The following TWNK variants were observed in gnomAD, a reference collection of about 807,000 sequenced individuals.
TWNK encodes the protein twinkle mtDNA helicase, also known as T7 gp4-like protein with intramitochondrial nucleoid localization.
In TWNK, 36 loss-of-function variants were observed where a neutral mutation model predicts 58.2. The observed-to-expected ratio is 0.62, with a 90% CI of 0.47 to 0.82. The LOEUF (loss-of-function observed/expected upper bound fraction) is 0.82. Ranked by LOEUF, TWNK falls within the 40% of genes least tolerant of loss-of-function variation. The pLI is 0.00. For missense variants in TWNK, 714 were observed against 881.0 expected, an observed-to-expected ratio of 0.81 and a Z score of 2.40; for synonymous variants, 349 against 348.5, an observed-to-expected ratio of 1.00 and a Z score of -0.02.
Position 100,994,059 on chromosome 10 carries a change from C to T in TWNK, c.*549C>T, listed in dbSNP as rs1851859676. On this transcript the variant is annotated 3_prime_UTR_variant, in exon 5 of 5. Coordinates refer to ENST00000311916, the MANE Select transcript of TWNK (RefSeq NM_021830.5). ...GGCAGTGAGGTCAGGCCGCATGAACCTGGAGGGGAATCGGGGACTTCATGC... is the reference window on the plus strand; with the variant it reads ...GGCAGTGAGGTCAGGCCGCATGAACTTGGAGGGGAATCGGGGACTTCATGC... The T allele has an allele frequency of 6.2e-6, 1 of 162,452 alleles. No individual in the cohort carries two copies. The highest frequency in any genetic ancestry group is 1.6e-4 in the South Asian group (1 of 6,140). The allele number at this position is 162,452 out of a possible 1,614,324, so 10.1% of individuals were successfully genotyped here. A position where few individuals can be genotyped will look rare whatever the true frequency, so the allele number is the denominator to read the frequency against.
At position 100,993,504 on chromosome 10, in the gene TWNK, A is replaced by G; in HGVS notation, c.2049A>G (p.Ser683=). Residue 683 remains serine, a synonymous_variant, in exon 5 of 5, where the codon TCA becomes TCG. Transcript: ENST00000311916. ...TPDQPDTSKR[S]K ...ACCAGCCAGACACCTCCAAGCGTTC[A>G]AAGTGAAGGCCGTGCAGAGCTGGTC... 1 of 1,614,108 alleles carries G rather than the reference A, an allele frequency of 6.2e-7. No individual in the cohort carries two copies. Among genetic ancestry groups the G allele is most frequent in the Non-Finnish European group, 8.5e-7 (1 of 1,179,998 alleles).
In TWNK at chr10:100,993,292, G is replaced by C. The variant is rs758995089; in HGVS notation, c.1837G>C (p.Asp613His). Residue 613 changes from aspartate (D) to histidine (H), a missense_variant, in exon 5 of 5, where the codon GAT becomes CAT. Coordinates refer to ENST00000311916, the MANE Select transcript of TWNK (RefSeq NM_021830.5). ...GGTGTCCAAGAACCGCTTTGATGGAGATGTAGGTGTCTTCCCGCTTGAGTT... is the reference window on the plus strand; with the variant it reads ...GGTGTCCAAGAACCGCTTTGATGGACATGTAGGTGTCTTCCCGCTTGAGTT... ...LQVSKNRFDG[D>H]VGVFPLEFNK... is the part of the protein sequence containing the mutation. 1.9e-6 allele frequency: 3 copies of C among 1,614,134 alleles called. No individual in the cohort carries two copies. The highest frequency in any genetic ancestry group is 2.7e-5 in the African/African-American group (2 of 74,940).
Position 100,989,846 on chromosome 10 carries a change from C to T in TWNK, c.1446C>T (p.Pro482=), listed in dbSNP as rs1483640254. 6 of 1,614,076 alleles carry T rather than the reference C, an allele frequency of 3.7e-6. No individual in the cohort carries two copies. The highest frequency in any genetic ancestry group is 5.1e-6 in the Non-Finnish European group (6 of 1,180,044). The part of the protein sequence containing the change: ...DHWADRFEDL[P]LYFMTFHGQQ... ...GGGCTGACCGCTTTGAGGACCTGCC[C>T]CTCTATTTCATGACTTTCCATGGAC... The change falls in exon 2 of 5, where the codon CCC becomes CCT. Residue 482 remains proline, a synonymous_variant. Transcript: ENST00000311916. This position sits in a 1 kb window ranked among gnomAD's most constrained non-coding sequence, Gnocchi z 7.6.
chr10:100,989,944 C>T lies in TWNK; in HGVS notation c.1484+60C>T. ...CAGACATATCCCAGCACTCAGGAAC[C>T]TTTGGTTCCTTTTCCAGCTCCAGTA... On this transcript the variant is annotated intron_variant, in intron 2 of 4. Transcript: ENST00000311916. This position sits in a 1 kb window ranked among gnomAD's most constrained non-coding sequence, Gnocchi z 7.6. 3 of 1,608,150 alleles carry T rather than the reference C, an allele frequency of 1.9e-6. No individual in the cohort carries two copies. The highest frequency in any genetic ancestry group is 3.3e-4 in the Middle Eastern group (2 of 6,054).
In TWNK at chr10:100,988,850, T is replaced by C; in HGVS notation, c.640T>C (p.Ser214Pro). ...CTTCCCTTGGTTCTCCCCTGGGGGC[T>C]CAGGATTACGAGGCCTGAAGCTCCT... Reference protein sequence around the residue: ...LVFPWFSPGGSGLRGLKLLEA... With the variant: ...LVFPWFSPGGPGLRGLKLLEA... The change falls in exon 1 of 5, where the codon TCA becomes CCA. Residue 214 changes from serine to proline, a missense_variant. Around this residue, in one of 3 missense-constraint regions of TWNK, gnomAD observed 348 missense variants for 388.4 expected, o/e 0.90. Coordinates refer to ENST00000311916, the MANE Select transcript of TWNK (RefSeq NM_021830.5). This position sits in a 1 kb window ranked among gnomAD's most constrained non-coding sequence, Gnocchi z 5.2. The C allele has an allele frequency of 6.2e-7, 1 of 1,614,064 alleles. No individual in the cohort carries two copies. The highest frequency in any genetic ancestry group is 8.5e-7 in the Non-Finnish European group (1 of 1,180,000).
chr10:100,993,726 C>T lies in TWNK; in HGVS notation c.*216C>T. On this transcript the variant is annotated 3_prime_UTR_variant, in exon 5 of 5. Transcript: ENST00000311916. The stretch of plus-strand genomic sequence containing the variant: ...GGCTTTGTTTGAGGTCCTGTATATA[C>T]AGCACTGAAAAGAGAGATAAAGTCC... 1 of 598,890 alleles carries T rather than the reference C, an allele frequency of 1.7e-6. No individual in the cohort carries two copies. Among genetic ancestry groups the T allele is most frequent in the South Asian group, 2.0e-5 (1 of 49,260 alleles). 37.1% of individuals were successfully genotyped at this position (598,890 alleles called of 1,614,324 possible).
chr10:100,991,283 C>T, intron 4 of TWNK: 1 of 522,780 alleles, frequency 1.9e-6, no homozygotes, highest in South Asian at 2.2e-5. Flanking sequence ...GTATGATAGG[C>T]AGCACAAGTA....
Position 100,990,795 on chromosome 10 carries a change from AATGGATCAAGAGTATGTGT to A in TWNK, c.1593-70_1593-52del, listed in dbSNP as rs1851746825. The A allele has an allele frequency of 3.8e-5, 61 of 1,594,278 alleles. 3 individuals carry two copies. In the South Asian group the frequency reaches 6.5e-4, roughly 17 times the overall value. On this transcript the variant is annotated intron_variant, in intron 3 of 4. Coordinates refer to ENST00000311916, the MANE Select transcript of TWNK (RefSeq NM_021830.5). ...TTGTGGTAGTTTGTGGGGAGATGTG[AATGGATCAAGAGTATGTGT>A]ATGTTCTTGTCCTTCTGTGTCTGAT...
rs781016340 is a variant in TWNK at position 100,989,409 on chromosome 10, G to T, written c.1199G>T (p.Arg400Leu). The T allele has an allele frequency of 1.9e-6, 3 of 1,614,164 alleles. No individual in the cohort carries two copies. The highest frequency in any genetic ancestry group is 1.7e-6 in the Non-Finnish European group (2 of 1,180,030). ...LRWSRFPDLN[R>L]ILKGHRKGEL... ...TGGAGCCGCTTTCCAGACCTCAATC[G>T]TATCTTGAAGGGACATCGAAAGGGC... Residue 400 changes from arginine to leucine, a missense_variant, in exon 1 of 5, where the codon CGT (arginine) becomes CTT (leucine). Around this residue, in one of 3 missense-constraint regions of TWNK, gnomAD observed 302 missense variants for 438.6 expected, o/e 0.69. Coordinates refer to ENST00000311916, the MANE Select transcript of TWNK (RefSeq NM_021830.5). The surrounding 1 kb of genome is among the most constrained non-coding windows in gnomAD (Gnocchi z 7.6).
rs1282353753 is a variant in TWNK, at chr10:100,987,663, G to A, written c.-548G>A. 1 of 628,542 alleles carries A rather than the reference G, an allele frequency of 1.6e-6. No individual in the cohort carries two copies. Among genetic ancestry groups the A allele is most frequent in the East Asian group, 2.8e-5 (1 of 36,156 alleles). 38.9% of individuals were successfully genotyped at this position (628,542 alleles called of 1,614,324 possible). On this transcript the variant is annotated 5_prime_UTR_variant, in exon 1 of 5. Coordinates refer to ENST00000311916, the MANE Select transcript of TWNK (RefSeq NM_021830.5). ...CGGCGGAGCTCGGAGTAGTAGAGCG[G>A]AGTGAAGACACGGGGGAGGATAGAG... is the stretch of plus-strand genomic sequence containing the variant.
Position 100,988,018 on chromosome 10 carries a change from CGT to C in TWNK, c.-190_-189del. 1.5e-6 allele frequency: 1 copy of C among 686,588 alleles called. No homozygotes were observed. Among genetic ancestry groups the C allele is most frequent in the Non-Finnish European group, 2.6e-6 (1 of 386,334 alleles). The allele number at this position is 686,588 out of a possible 1,614,324, so 42.5% of individuals were successfully genotyped here. On this transcript the variant is annotated 5_prime_UTR_variant, in exon 1 of 5. Transcript: ENST00000311916. This position sits in a 1 kb window ranked among gnomAD's most constrained non-coding sequence, Gnocchi z 5.2. Reference sequence around the variant, plus strand: ...TAGAAGGACGTGGACGCGAAAGGGTCGTGTAGATGGGCATATGTGTGAAGCAG... The same window carrying C: ...TAGAAGGACGTGGACGCGAAAGGGTCGTAGATGGGCATATGTGTGAAGCAG...
chr10:100,993,435 G>A lies in TWNK; in HGVS notation c.1980G>A (p.Thr660=), dbSNP rs139162317. ...CCTCTTCTGGCAAAAAGGGGGCTACGACACAGAACTCTGAGATTTGCTCAG... is the reference window on the plus strand; with the variant it reads ...CCTCTTCTGGCAAAAAGGGGGCTACAACACAGAACTCTGAGATTTGCTCAG... ...KKPSSGKKGA[T]TQNSEICSGQ... Residue 660 remains threonine (T), a synonymous_variant, in exon 5 of 5, where the codon ACG becomes ACA. Coordinates refer to ENST00000311916, the MANE Select transcript of TWNK (RefSeq NM_021830.5). 26 of 1,614,174 alleles carry A rather than the reference G, an allele frequency of 1.6e-5. No homozygotes were observed. Among genetic ancestry groups the A allele is most frequent in the Middle Eastern group, 1.6e-4 (1 of 6,062 alleles).
At chr10:100,993,128 C>T (rs985434537) in intron 4 of TWNK, 62 bp from the exon 5 acceptor site, 21 of 1,553,300 alleles carry the variant, frequency 1.4e-5, no homozygotes, top group Admixed American at 1.7e-5. Context: ...TGTCAGCCCC[C>T]CTTTCTGCTT....
chr10:100,989,294 G>A lies in TWNK; in HGVS notation c.1084G>A (p.Ala362Thr). The A allele has an allele frequency of 6.2e-7, 1 of 1,614,168 alleles. No individual in the cohort carries two copies. Among genetic ancestry groups the A allele is most frequent in the Non-Finnish European group, 8.5e-7 (1 of 1,180,046 alleles). ...LSRILRTALP[A>T]WHKSIVSFRQ... ...TCGTATTCTTCGTACCGCCCTGCCT[G>A]CCTGGCACAAGTCCATCGTATCTTT... Residue 362 changes from alanine to threonine, a missense_variant, in exon 1 of 5, where the codon GCC becomes ACC. Transcript: ENST00000311916. The surrounding 1 kb of genome is among the most constrained non-coding windows in gnomAD (Gnocchi z 7.6).
In TWNK at chr10:100,989,927, T is replaced by C. The variant is rs757569095; in HGVS notation, c.1484+43T>C. On this transcript the variant is annotated intron_variant, in intron 2 of 4. Coordinates refer to ENST00000311916, the MANE Select transcript of TWNK (RefSeq NM_021830.5). The surrounding 1 kb of genome is among the most constrained non-coding windows in gnomAD (Gnocchi z 7.6). The stretch of plus-strand genomic sequence containing the variant: ...CAGCCACCTTGCTTTCCCAGACATA[T>C]CCCAGCACTCAGGAACCTTTGGTTC... 2 of 1,613,184 alleles carry C rather than the reference T, an allele frequency of 1.2e-6. No homozygotes were observed. Among genetic ancestry groups the C allele is most frequent in the Admixed American group, 1.7e-5 (1 of 60,002 alleles).
Position 100,988,100 on chromosome 10 carries a change from G to A in TWNK, c.-111G>A, listed in dbSNP as rs1851627592. The A allele has an allele frequency of 8.1e-7, 1 of 1,236,672 alleles. No homozygotes were observed. Among genetic ancestry groups the A allele is most frequent in the Non-Finnish European group, 1.2e-6 (1 of 839,594 alleles). 76.6% of individuals were successfully genotyped at this position (1,236,672 alleles called of 1,614,324 possible). A position where few individuals can be genotyped will look rare whatever the true frequency, so the allele number is the denominator to read the frequency against. On this transcript the variant is annotated 5_prime_UTR_variant, in exon 1 of 5. The change creates a new upstream start codon in the 5' untranslated region. Transcript: ENST00000311916. The surrounding 1 kb of genome is among the most constrained non-coding windows in gnomAD (Gnocchi z 5.2). ...CATGGAGAGAAAGAATGCACCTAGA[G>A]TGAGCTCTGCAGAGTGCTGCGTGGG...
At chr10:100,990,304 C>A (rs751022673) in intron 2 of TWNK, 132 bp from the exon 3 acceptor site, 1 of 788,312 alleles carries the variant, frequency 1.3e-6, no homozygotes. Flanking sequence ...CAGAGCAAGA[C>A]CTTGTCTCAA....
Position 100,988,791 on chromosome 10 carries a change from G to A in TWNK, c.581G>A (p.Ser194Asn). The change falls in exon 1 of 5, where the codon AGT becomes AAT. Residue 194 changes from serine (S) to asparagine (N), a missense_variant. Coordinates refer to ENST00000311916, the MANE Select transcript of TWNK (RefSeq NM_021830.5). The surrounding 1 kb of genome is among the most constrained non-coding windows in gnomAD (Gnocchi z 5.2). ...KVTDDTLKRF[S>N]VRYLRPARSL... ...ACAGATGACACACTCAAGCGTTTCA[G>A]TGTGCGATATCTGCGACCTGCTCGC... 2.5e-6 allele frequency: 4 copies of A among 1,614,202 alleles called. No homozygotes were observed. In the African/African-American group the frequency reaches 4.0e-5, roughly 16 times the overall value.
chr10:100,990,684 T>C (rs890852197), intron 3 of TWNK, 141 bp downstream of exon 3: 1 of 1,586,390 alleles, frequency 6.3e-7, no homozygotes, highest in Non-Finnish European at 8.6e-7. Context: ...CCCCCATGTG[T>C]ATCATATGGA....
Sources: allele counts gnomAD v4.1 joint callset, GRCh38; gene constraint gnomAD v4.1.1; regional missense constraint gnomAD v4.1.1; non-coding constraint Gnocchi (gnomAD v3.1); transcripts MANE v1.5; gene names NCBI Gene and HGNC (gene_info 2026-07-23, HGNC 2026-07-21).